Variants in SCAPER observed in about 807,000 individuals in gnomAD.
SCAPER encodes the protein S-phase cyclin A associated protein in the ER.
SCAPER carries 98 observed loss-of-function variants against 182.2 expected under a neutral mutation model. The ratio of observed to expected loss-of-function variants is 0.54; its 90% CI spans 0.46 to 0.64. The LOEUF is 0.64. Ranked by LOEUF, SCAPER falls within the 30% of genes least tolerant of loss-of-function variation. The pLI is 0.00. For missense variants in SCAPER, 1,432 were observed against 1,690.0 expected (o/e 0.85, Z 2.68); for synonymous variants, 605 against 564.6 (o/e 1.07, Z -1.01).
At chr15:76,706,755 A>C (rs2059283135) in intron 17 of SCAPER, among the ~76,000 whole-genome samples, 1 of 152,124 alleles carries the variant, frequency 6.6e-6, no homozygotes, top group Non-Finnish European at 1.5e-5. Context: ...TTTAACTCAC[A>C]CAGCATGCAT....
At position 76,733,091 on chromosome 15, in the gene SCAPER, T is replaced by C. The variant is rs2061021684; in HGVS notation, c.2022+138A>G. 20 of 820,640 alleles carry C rather than the reference T, an allele frequency of 2.4e-5. No individual in the cohort carries two copies. In the South Asian group the frequency reaches 3.6e-4, roughly 15 times the overall value. 50.8% of individuals were successfully genotyped at this position (820,640 alleles called of 1,614,324 possible). On this transcript the variant is annotated intron_variant, in intron 16 of 31. Coordinates refer to ENST00000563290, the MANE Select transcript of SCAPER (RefSeq NM_020843.4). ...GGTCCCCCCAGGCCCAGCTGTCTTT[T>C]ATTTCTTTGTCTTATGTCTTTATTT...
At position 76,905,280 on chromosome 15, in the gene SCAPER, G is replaced by T; in HGVS notation, c.-60+19C>A. On this transcript the variant is annotated intron_variant, in intron 1 of 31. Transcript: ENST00000563290. ...ACCCGCCCGGGTCTGCGCTACGCAC[G>T]CCCCTCGCGGACACTCACCCCCGAC... 2 of 260,730 alleles carry T rather than the reference G, an allele frequency of 7.7e-6. No individual in the cohort carries two copies. The highest frequency in any genetic ancestry group is 6.1e-5 in the South Asian group (2 of 32,934). The allele number at this position is 260,730 out of a possible 1,614,324, so 16.2% of individuals were successfully genotyped here.
At chr15:76,585,735 T>C (rs1315361005) in intron 22 of SCAPER, among the ~76,000 whole-genome samples, 1 of 152,168 alleles carries the variant, frequency 6.6e-6, no homozygotes, top group African/African-American at 2.4e-5. Flanking sequence ...GCTACACCCC[T>C]GTCTCATTCC....
At chr15:76,389,655 A>G (rs2043536120) in intron 27 of SCAPER, among the ~76,000 whole-genome samples, 1 of 151,476 alleles carries the variant, frequency 6.6e-6, no homozygotes, top group African/African-American at 2.4e-5. Flanking sequence ...TTACTAAAAA[A>G]GAAATACAAA....
intron 8 of SCAPER, chr15:76,793,108 G>T: frequency 1.7e-6 from 1 of 585,296 alleles, no homozygotes; most frequent in Non-Finnish European, 2.8e-6. Flanking sequence ...GCTGGGTTTG[G>T]GGAAGAGAAC....
At chr15:76,529,838 T>C (rs766679537) in intron 23 of SCAPER, among the ~76,000 whole-genome samples, 4 of 152,182 alleles carry the variant, frequency 2.6e-5, no homozygotes, top group South Asian at 2.1e-4. Context: ...TTCTAGGTGA[T>C]TGTAAGTACT....
intron 30 of SCAPER, among the ~76,000 whole-genome samples, chr15:76,353,369 A>G (rs1485398114): frequency 6.6e-6 from 1 of 152,244 alleles, no homozygotes; most frequent in Non-Finnish European, 1.5e-5. Flanking sequence ...AGCATAGTCA[A>G]CTTGGTTTTT....
intron 24 of SCAPER, among the ~76,000 whole-genome samples, chr15:76,494,931 C>A (rs879305007): frequency 2.6e-5 from 4 of 152,028 alleles, no homozygotes; most frequent in Non-Finnish European, 4.4e-5. Context: ...ATAGGATGCT[C>A]AAACGTAGCT....
rs1174586804 is a variant in SCAPER, at chr15:76,604,557, G to A, written c.2711+17207C>T. Among the ~76,000 whole-genome samples the A allele has an allele frequency of 2.5e-5, 2 of 80,186 alleles. 1 individual carries two copies. The highest frequency in any genetic ancestry group is 7.4e-5 in the Non-Finnish European group (2 of 26,910). 52.6% of individuals were successfully genotyped at this position (80,186 alleles called of 152,430 possible). ...CTTTAAAGTAGTTTTTTCTGATTCTGTGAAGAAAGTCATTGGTAGCTTGAT... is the reference window on the plus strand; with the variant it reads ...CTTTAAAGTAGTTTTTTCTGATTCTATGAAGAAAGTCATTGGTAGCTTGAT... On this transcript the variant is annotated intron_variant, in intron 22 of 31. Transcript: ENST00000563290.
intron 21 of SCAPER, among the ~76,000 whole-genome samples, chr15:76,651,046 C>T (rs2054990826): frequency 2.0e-5 from 3 of 151,748 alleles, no homozygotes. Context: ...GCTATAATTA[C>T]ATATATTATA....
intron 22 of SCAPER, 105 bp downstream of exon 22, chr15:76,621,659 A>G (rs1021298608): frequency 2.1e-6 from 2 of 935,546 alleles, no homozygotes; most frequent in Admixed American, 2.4e-5. Flanking sequence ...TGTTCTAGAA[A>G]TTAGAATCAA....
chr15:76,440,888 T>C (rs2047520837), intron 25 of SCAPER, among the ~76,000 whole-genome samples: 1 of 150,324 alleles, frequency 6.7e-6, no homozygotes, highest in African/African-American at 2.4e-5. Context: ...TATTATCTTT[T>C]AAAATTATTC....
chr15:76,739,070 A>T (rs2151097959), intron 15 of SCAPER, among the ~76,000 whole-genome samples: 1 of 152,328 alleles, frequency 6.6e-6, no homozygotes, highest in East Asian at 1.9e-4. Flanking sequence ...CAGTATCTAC[A>T]TTGTATTAGG....
chr15:76,841,667 G>A (rs1200052168), intron 5 of SCAPER, 67 bp downstream of exon 5: 25 of 1,503,416 alleles, frequency 1.7e-5, no homozygotes, highest in Non-Finnish European at 9.1e-7. Context: ...AAAAGATCAA[G>A]TCACATGTAG....
intron 23 of SCAPER, among the ~76,000 whole-genome samples, chr15:76,508,510 T>C (rs1263012379): frequency 1.3e-5 from 2 of 152,174 alleles, no homozygotes; most frequent in African/African-American, 2.4e-5. Flanking sequence ...TTTCAAACAA[T>C]GTTTGTGGTA....
intron 8 of SCAPER, among the ~76,000 whole-genome samples, chr15:76,794,673 C>T (rs2065209165): frequency 6.6e-6 from 1 of 152,138 alleles, no homozygotes; most frequent in Non-Finnish European, 1.5e-5. Context: ...CTCATTATTA[C>T]CTATTATCAT....
At chr15:76,828,808 T>C (rs1598961632) in intron 5 of SCAPER, among the ~76,000 whole-genome samples, 1 of 152,168 alleles carries the variant, frequency 6.6e-6, no homozygotes, top group East Asian at 1.9e-4. Flanking sequence ...ATGTTCTCTG[T>C]AACAAATTTC....
At chr15:76,690,930 C>G (rs1424804160) in intron 20 of SCAPER, among the ~76,000 whole-genome samples, 1 of 151,820 alleles carries the variant, frequency 6.6e-6, no homozygotes, top group East Asian at 1.9e-4. Context: ...ACAGTGAACC[C>G]AAAATATTAT....
chr15:76,883,415 G>A (rs565902374), intron 2 of SCAPER, among the ~76,000 whole-genome samples: 96 of 152,334 alleles, frequency 6.3e-4, no homozygotes, highest in African/African-American at 2.3e-3. Flanking sequence ...CCCCATACCA[G>A]ATTCAAGACC....
Sources: allele counts gnomAD v4.1 joint callset (sites outside exome capture counted in the v4.1 genomes callset), GRCh38; gene constraint gnomAD v4.1.1; transcripts MANE v1.5; gene names NCBI Gene and HGNC (gene_info 2026-07-23, HGNC 2026-07-21).